The following FCSK variants were observed in gnomAD, a reference collection of about 807,000 sequenced individuals.
The protein encoded by FCSK is fucose kinase.
Under a neutral mutation model 122.5 loss-of-function variants are expected in FCSK, and 123 were observed. That is an observed-to-expected ratio of 1.00 (90% CI 0.87 to 1.17). The LOEUF is 1.17. Among genes scored for constraint, FCSK ranks in the 50% most tolerant of loss-of-function variants. The pLI is 0.00. For missense variants in FCSK, 1,366 were observed against 1,450.4 expected (o/e 0.94, Z 0.95); for synonymous variants, 620 against 625.5 (o/e 0.99, Z 0.13).
In FCSK at chr16:70,475,444, C is replaced by T. The variant is rs372469442; in HGVS notation, c.2472C>T (p.Gly824=). The T allele has an allele frequency of 2.2e-5, 36 of 1,606,660 alleles. No individual in the cohort carries two copies. The highest frequency in any genetic ancestry group is 3.3e-4 in the Middle Eastern group (2 of 6,074). Residue 824 remains glycine, a synonymous_variant, in exon 19 of 24, where the codon GGC becomes GGT. Transcript: ENST00000288078. ...AGCAGCTGCTCCGCACCTTCGGGGG[C>T]GGCTTTGAGCTGCACACCTGGTCTG... ...LSEQLLRTFG[G]GFELHTWSEL...
At chr16:70,468,515 G>A (rs984942009) in intron 8 of FCSK, among the ~76,000 whole-genome samples, 1 of 152,220 alleles carries the variant, frequency 6.6e-6, no homozygotes. Context: ...GTTAGGGAGT[G>A]CGGTTGGGAG....
At chr16:70,464,155 C>G (rs1178989417) in intron 3 of FCSK, among the ~76,000 whole-genome samples, 1 of 152,200 alleles carries the variant, frequency 6.6e-6, no homozygotes, top group African/African-American at 2.4e-5. Context: ...CCCGTGTCTC[C>G]CATGCAACCA....
chr16:70,466,789 G>T, intron 5 of FCSK, 93 bp from the exon 6 acceptor site: 7 of 1,160,088 alleles, frequency 6.0e-6, no homozygotes, highest in Admixed American at 2.1e-5. Flanking sequence ...GGAGGCCCTT[G>T]TTACTTCAAC....
At chr16:70,462,833 C>T (rs544413002) in intron 1 of FCSK, among the ~76,000 whole-genome samples, 9 of 137,918 alleles carry the variant, frequency 6.5e-5, no homozygotes, top group South Asian at 4.8e-4. Flanking sequence ...TTAGTAGAGA[C>T]GGGGTTTCAC....
At position 70,470,991 on chromosome 16, in the gene FCSK, C is replaced by G; in HGVS notation, c.1089C>G (p.Ala363=). The change falls in exon 12 of 24, where the codon GCC becomes GCG. Residue 363 remains alanine (A), a synonymous_variant. Transcript: ENST00000288078. ...SQVEEQQLLA[A]GSSVVSCLLE... ...CACAGGAGCAGCAGCTTCTGGCGGCCGGGAGCTCTGTGGTCAGCTGCCTGC... is the reference window on the plus strand; with the variant it reads ...CACAGGAGCAGCAGCTTCTGGCGGCGGGGAGCTCTGTGGTCAGCTGCCTGC... 1 of 1,595,188 alleles carries G rather than the reference C, an allele frequency of 6.3e-7. No homozygotes were observed. Among genetic ancestry groups the G allele is most frequent in the Non-Finnish European group, 8.5e-7 (1 of 1,172,908 alleles).
intron 13 of FCSK, among the ~76,000 whole-genome samples, chr16:70,472,126 C>G (rs1259969911): frequency 4.6e-5 from 7 of 152,046 alleles, no homozygotes; most frequent in African/African-American, 1.7e-4. Flanking sequence ...GGTTTTTATC[C>G]TTATTTGACA....
At chr16:70,461,140 G>A (rs1292177182) in intron 1 of FCSK, among the ~76,000 whole-genome samples, 1 of 152,200 alleles carries the variant, frequency 6.6e-6, no homozygotes, top group African/African-American at 2.4e-5. Context: ...TTCTCTTCTG[G>A]TGGCAGCAGA....
chr16:70,468,780 C>A, intron 8 of FCSK, 69 bp from the exon 9 acceptor site: 1 of 1,591,624 alleles, frequency 6.3e-7, no homozygotes, highest in African/African-American at 1.3e-5. Flanking sequence ...TCTGCATGTG[C>A]CCTCCCTGAC....
In FCSK at chr16:70,467,412, G is replaced by A. The variant is rs777359819; in HGVS notation, c.523G>A (p.Ala175Thr). ...WDSFRGARVI[A>T]LPGSPAYAQN... is the part of the protein sequence containing the mutation. Reference sequence around the variant, plus strand: ...CAGCTTCCGGGGAGCCAGAGTGATCGCCCTCCCAGGGAGCCCGGCCTACGC... The same window carrying A: ...CAGCTTCCGGGGAGCCAGAGTGATCACCCTCCCAGGGAGCCCGGCCTACGC... The change falls in exon 7 of 24, where the codon GCC becomes ACC. Residue 175 changes from alanine to threonine, a missense_variant. Coordinates refer to ENST00000288078, the MANE Select transcript of FCSK (RefSeq NM_145059.3). 9 of 1,610,678 alleles carry A rather than the reference G, an allele frequency of 5.6e-6. No homozygotes were observed. Among genetic ancestry groups the A allele is most frequent in the Non-Finnish European group, 7.6e-6 (9 of 1,178,940 alleles).
intron 20 of FCSK, 110 bp downstream of exon 20, chr16:70,475,877 T>C (rs2048796117): frequency 1.8e-6 from 2 of 1,135,740 alleles, no homozygotes; most frequent in Non-Finnish European, 2.4e-6. Flanking sequence ...GCCACAAGAC[T>C]GTGCTGCTGT....
In FCSK at chr16:70,463,568, T is replaced by G; in HGVS notation, c.83-55T>G. ...ATGATCAGTAGGCTTGCTTACGTGC[T>G]TTGGGCCAGGGCAGAGAGCTGGGGG... On this transcript the variant is annotated intron_variant, in intron 2 of 23. Transcript: ENST00000288078. The G allele has an allele frequency of 7.5e-6, 12 of 1,599,596 alleles. No individual in the cohort carries two copies. The South Asian group carries it at 1.2e-4, about 16-fold the overall frequency.
chr16:70,469,037 C>T, intron 9 of FCSK, 69 bp downstream of exon 9: 3 of 1,606,656 alleles, frequency 1.9e-6, no homozygotes, highest in Middle Eastern at 1.7e-4. Context: ...TCAGGCCAGC[C>T]ACTTCCCCTC....
intron 13 of FCSK, 30 bp downstream of exon 13, chr16:70,471,382 C>A: frequency 6.5e-7 from 1 of 1,529,400 alleles, no homozygotes; most frequent in East Asian, 2.4e-5. Flanking sequence ...TCCCTCACCC[C>A]CATCTTCAGG....
chr16:70,475,548 C>A (rs887154960), intron 19 of FCSK, 55 bp downstream of exon 19: 6 of 1,590,124 alleles, frequency 3.8e-6, no homozygotes, highest in Non-Finnish European at 5.1e-6. Flanking sequence ...TCCAGCCTTG[C>A]CTGTGATCCC....
rs776974813 is a variant in FCSK at position 70,474,159 on chromosome 16, C to T, written c.1808C>T (p.Ala603Val). 8.4e-5 allele frequency: 131 copies of T among 1,553,904 alleles called. No homozygotes were observed. The highest frequency in any genetic ancestry group is 1.0e-4 in the Non-Finnish European group (119 of 1,149,134). ...VAAGAGDPGV[A>V]ARALACVADV... ...GCTGGGGCAGGAGACCCTGGTGTGGCGGCACGGGCACTGGCCTGTGTGGCG... is the reference window on the plus strand; with the variant it reads ...GCTGGGGCAGGAGACCCTGGTGTGGTGGCACGGGCACTGGCCTGTGTGGCG... Residue 603 changes from alanine (A) to valine (V), a missense_variant, in exon 16 of 24, where the codon GCG becomes GTG. Physicochemically the swap from Ala to Val is moderately conservative, Grantham distance 64. Coordinates refer to ENST00000288078, the MANE Select transcript of FCSK (RefSeq NM_145059.3).
chr16:70,467,236 T>A (rs1403129979), intron 6 of FCSK, 138 bp from the exon 7 acceptor site: 1 of 646,662 alleles, frequency 1.5e-6, no homozygotes, highest in African/African-American at 1.8e-5. Flanking sequence ...CAGGCGAATG[T>A]CCATTTGGCT....
Position 70,479,083 on chromosome 16 carries a change from C to T in FCSK, c.2930-97C>T, listed in dbSNP as rs952699827. The T allele has an allele frequency of 2.5e-5, 24 of 944,030 alleles. No homozygotes were observed. In the African/African-American group the frequency reaches 3.6e-4, roughly 14 times the overall value. 58.5% of individuals were successfully genotyped at this position (944,030 alleles called of 1,614,324 possible). A position where few individuals can be genotyped will look rare whatever the true frequency, so the allele number is the denominator to read the frequency against. ...CTGGAATCCGGCTTCTTTACCATGA[C>T]ACTGGCTCAGCAGCACGTCTTGGCA... On this transcript the variant is annotated intron_variant, in intron 22 of 23. Transcript: ENST00000288078.
At chr16:70,455,336 G>A (rs1179745385) in intron 1 of FCSK, among the ~76,000 whole-genome samples, 1 of 152,176 alleles carries the variant, frequency 6.6e-6, no homozygotes, top group Non-Finnish European at 1.5e-5. Flanking sequence ...AAAGTGGGTA[G>A]AGGCTGGGCG....
Position 70,479,357 on chromosome 16 carries a change from A to T in FCSK, c.3107A>T (p.Glu1036Val). The T allele has an allele frequency of 6.2e-7, 1 of 1,613,956 alleles. No individual in the cohort carries two copies. The highest frequency in any genetic ancestry group is 8.5e-7 in the Non-Finnish European group (1 of 1,180,010). The change falls in exon 23 of 24, where the codon GAG becomes GTG. Residue 1036 changes from glutamate (E) to valine (V), a missense_variant. Coordinates refer to ENST00000288078, the MANE Select transcript of FCSK (RefSeq NM_145059.3). ...GGCTTTCTCTATCTGTTGACCAAGG[A>T]GCCACAGCAAAAGGAGGCCTTGGAG... ...GGGFLYLLTK[E>V]PQQKEALEAV...
Sources: allele counts gnomAD v4.1 joint callset (sites outside exome capture counted in the v4.1 genomes callset), GRCh38; gene constraint gnomAD v4.1.1; transcripts MANE v1.5; gene names NCBI Gene and HGNC (gene_info 2026-07-23, HGNC 2026-07-21).